Variants in WWOX observed in about 807,000 individuals in gnomAD.
WWOX encodes the protein WW domain containing oxidoreductase.
Under a neutral mutation model 46.2 loss-of-function variants are expected in WWOX, and 69 were observed. The ratio of observed to expected loss-of-function variants is 1.49; its 90% CI spans 1.23 to 1.82. The LOEUF is 1.82. WWOX is among the 40% of genes most tolerant of loss of function. The pLI, the probability that WWOX is intolerant of heterozygous loss-of-function variation, is 0.00. For synonymous variants in WWOX, 359 were observed against 202.6 expected, an observed-to-expected ratio of 1.77 and a Z score of -6.56; for missense variants, 919 against 542.6, an observed-to-expected ratio of 1.69 and a Z score of -6.89.
intron 8 of WWOX, among the ~76,000 whole-genome samples, chr16:78,952,827 T>C (rs1597198823): frequency 6.6e-6 from 1 of 152,170 alleles, no homozygotes; most frequent in African/African-American, 2.4e-5. Context: ...AATGAGTAAG[T>C]GAATGAGTAC....
At chr16:78,977,495 C>T (rs2046595883) in intron 8 of WWOX, among the ~76,000 whole-genome samples, 1 of 152,074 alleles carries the variant, frequency 6.6e-6, no homozygotes, top group Admixed American at 6.5e-5. Flanking sequence ...CTTTATTTTC[C>T]CTATTAGAAT....
intron 6 of WWOX, among the ~76,000 whole-genome samples, chr16:78,396,488 G>C (rs541266285): frequency 1.9e-4 from 29 of 152,242 alleles, no homozygotes; most frequent in African/African-American, 6.5e-4. Flanking sequence ...TATGTAAATT[G>C]AACACAACTT....
At chr16:79,072,756 A>C (rs527737950) in intron 8 of WWOX, among the ~76,000 whole-genome samples, 2 of 152,184 alleles carry the variant, frequency 1.3e-5, no homozygotes, top group African/African-American at 2.4e-5. Flanking sequence ...CAATTCTTCA[A>C]CTTTGCCTGT....
intron 8 of WWOX, among the ~76,000 whole-genome samples, chr16:79,096,443 T>A (rs570297254): frequency 6.6e-6 from 1 of 152,226 alleles, no homozygotes; most frequent in African/African-American, 2.4e-5. Flanking sequence ...CGGGCCTCCC[T>A]GCTGTTCAAT....
In WWOX at chr16:78,475,523, G is replaced by A. The variant is rs545057527; in HGVS notation, c.1056+42771G>A. On this transcript the variant is annotated intron_variant, in intron 8 of 8. Transcript: ENST00000566780. ...GACCTATTTTAATAAGGCTGACTTG[G>A]GTTGAAGATAACTAGAGCCATGACT... 3.3e-5 allele frequency among the ~76,000 whole-genome samples: 5 copies of A among 152,292 alleles called. No homozygotes were observed. The South Asian group carries it at 1.0e-3, about 32-fold the overall frequency.
intron 8 of WWOX, among the ~76,000 whole-genome samples, chr16:78,954,329 G>A (rs28645712): frequency 1.3e-5 from 2 of 151,640 alleles, no homozygotes; most frequent in African/African-American, 4.8e-5. Context: ...GATGGATGGA[G>A]GGATGGATGG....
intron 8 of WWOX, among the ~76,000 whole-genome samples, chr16:78,563,682 C>G (rs766151329): frequency 6.6e-6 from 1 of 152,088 alleles, no homozygotes; most frequent in African/African-American, 2.4e-5. Context: ...TGATCTGATT[C>G]ATTAATATCC....
chr16:78,640,934 G>A (rs2046692038), intron 8 of WWOX, among the ~76,000 whole-genome samples: 1 of 58,296 alleles, frequency 1.7e-5, no homozygotes, highest in Admixed American at 2.2e-4. Flanking sequence ...GCGAGATTCT[G>A]TCTTCAAAAA....
chr16:78,297,579 A>T (rs2079963030), intron 5 of WWOX, among the ~76,000 whole-genome samples: 1 of 152,212 alleles, frequency 6.6e-6, no homozygotes, highest in Non-Finnish European at 1.5e-5. Context: ...GACTGAATAA[A>T]TGTTTATTGA....
chr16:78,846,152 A>G (rs1204225246), intron 8 of WWOX, among the ~76,000 whole-genome samples: 1 of 152,192 alleles, frequency 6.6e-6, no homozygotes, highest in African/African-American at 2.4e-5. Flanking sequence ...TTAAATTTTG[A>G]AATAAATGTT....
At chr16:78,697,987 T>A (rs527949268) in intron 8 of WWOX, among the ~76,000 whole-genome samples, 1 of 152,290 alleles carries the variant, frequency 6.6e-6, no homozygotes, top group East Asian at 1.9e-4. Flanking sequence ...AACAACTGAG[T>A]TGCTATACTG....
intron 8 of WWOX, among the ~76,000 whole-genome samples, chr16:78,489,259 A>G (rs958455774): frequency 3.9e-5 from 6 of 152,114 alleles, no homozygotes; most frequent in Admixed American, 1.3e-4. Flanking sequence ...GACACCCACC[A>G]CCAGCTGTAA....
chr16:78,588,587 AT>A (rs1356576518), intron 8 of WWOX, among the ~76,000 whole-genome samples: 2 of 152,166 alleles, frequency 1.3e-5, no homozygotes, highest in Non-Finnish European at 2.9e-5. Context: ...CAGTTAGTCT[AT>A]TTTTTGTACA....
At chr16:78,899,823 C>G (rs572793829) in intron 8 of WWOX, among the ~76,000 whole-genome samples, 1 of 152,162 alleles carries the variant, frequency 6.6e-6, no homozygotes, top group Admixed American at 6.5e-5. Flanking sequence ...AAAACTAGCG[C>G]GTGGTCTGTT....
At chr16:78,717,477 G>C (rs1430856454) in intron 8 of WWOX, among the ~76,000 whole-genome samples, 1 of 152,158 alleles carries the variant, frequency 6.6e-6, no homozygotes, top group Non-Finnish European at 1.5e-5. Flanking sequence ...GCTTTTGGTA[G>C]GTGGTCAACA....
intron 8 of WWOX, chr16:79,196,370 C>T (rs1005440956): frequency 6.6e-6 from 1 of 152,130 alleles, no homozygotes; most frequent in East Asian, 1.9e-4. Flanking sequence ...TCCAGGTACC[C>T]CAAGCTGGTT....
chr16:78,484,451 C>T (rs1306382252), intron 8 of WWOX, among the ~76,000 whole-genome samples: 2 of 152,108 alleles, frequency 1.3e-5, no homozygotes, highest in African/African-American at 4.8e-5. Flanking sequence ...CCTACCTGAG[C>T]TATTAGTTTA....
intron 8 of WWOX, among the ~76,000 whole-genome samples, chr16:79,056,232 AAAT>A (rs1380367932): frequency 2.2e-5 from 3 of 138,138 alleles, no homozygotes; most frequent in African/African-American, 8.0e-5. Context: ...AAAAAAAAAA[AAAT>A]TCAGCATTTC....
At chr16:79,132,779 C>G (rs1041142762) in intron 8 of WWOX, among the ~76,000 whole-genome samples, 1 of 152,186 alleles carries the variant, frequency 6.6e-6, no homozygotes, top group Non-Finnish European at 1.5e-5. Context: ...TTTGAATATG[C>G]TTGTACTGAT....
Sources: gnomAD v4.1 joint callset for allele counts (sites outside exome capture counted in the v4.1 genomes callset) on GRCh38, gnomAD v4.1.1 for gene constraint, MANE v1.5 for transcripts, NCBI Gene and HGNC (gene_info 2026-07-23, HGNC 2026-07-21) for gene names.